TENM2: variants seen among roughly 807,000 people sequenced by gnomAD.
TENM2 encodes teneurin transmembrane protein 2, also known as teneurin-2.
Under a neutral mutation model 245.2 loss-of-function variants are expected in TENM2, and 52 were observed. That is an observed-to-expected ratio of 0.21 (90% CI 0.17 to 0.27). The LOEUF (loss-of-function observed/expected upper bound fraction) is 0.27. Among genes scored for constraint, TENM2 ranks in the 10% least tolerant of loss-of-function variants. TENM2 has a pLI of 1.00. For synonymous variants in TENM2, 1,363 were observed against 1,438.9 expected, an observed-to-expected ratio of 0.95 and a Z score of 1.19; for missense variants, 3,046 against 3,666.8, an observed-to-expected ratio of 0.83 and a Z score of 4.37.
intron 2 of TENM2, among the ~76,000 whole-genome samples, chr5:167,774,040 G>A (rs1233847491): frequency 6.6e-6 from 1 of 151,870 alleles, no homozygotes; most frequent in Non-Finnish European, 1.5e-5. Context: ...CCTAGAAGAT[G>A]CAGGTGACCC....
intron 2 of TENM2, among the ~76,000 whole-genome samples, chr5:167,874,130 T>A (rs1374690622): frequency 1.3e-5 from 2 of 152,180 alleles, no homozygotes; most frequent in African/African-American, 2.4e-5. Flanking sequence ...AACTCCTACC[T>A]GGCCAGGCTG....
chr5:167,766,312 A>G (rs993812390), intron 2 of TENM2, among the ~76,000 whole-genome samples: 1 of 152,192 alleles, frequency 6.6e-6, no homozygotes, highest in African/African-American at 2.4e-5. Flanking sequence ...AGCTAAGCAT[A>G]TCTAGCACAA....
At chr5:168,177,996 A>G (rs1387406598) in intron 13 of TENM2, among the ~76,000 whole-genome samples, 1 of 152,180 alleles carries the variant, frequency 6.6e-6, no homozygotes, top group Non-Finnish European at 1.5e-5. Flanking sequence ...AGAATAGCCA[A>G]GTCCGGGCCC....
At chr5:167,769,602 G>A (rs1763268281) in intron 2 of TENM2, among the ~76,000 whole-genome samples, 1 of 152,126 alleles carries the variant, frequency 6.6e-6, no homozygotes. Context: ...GTAGAAAATT[G>A]TTATTGGTGT....
chr5:168,262,905 C>A, exon 29 of TENM2: 1 of 1,246,222 alleles, frequency 8.0e-7, no homozygotes, highest in Non-Finnish European at 1.1e-6. Context: ...AGGGGCACTG[C>A]GGCTGGGCTG....
chr5:167,110,308 T>C, the TENM2 span, among the ~76,000 whole-genome samples: 3 of 152,204 alleles, frequency 2.0e-5, no homozygotes, highest in Admixed American at 6.5e-5. Context: ...GATGACAATG[T>C]ACAAGGGCTG....
At chr5:168,160,433 A>G (rs1005864392) in intron 12 of TENM2, among the ~76,000 whole-genome samples, 3 of 152,308 alleles carry the variant, frequency 2.0e-5, no homozygotes, top group African/African-American at 7.2e-5. Flanking sequence ...AGGTGTGCAA[A>G]CACTGGTGCT....
At chr5:167,502,041 C>T (rs1769245052) in intron 2 of TENM2, among the ~76,000 whole-genome samples, 1 of 151,678 alleles carries the variant, frequency 6.6e-6, no homozygotes, top group African/African-American at 2.4e-5. Flanking sequence ...GGTCATGTTG[C>T]TTGCTCTAGA....
chr5:167,012,538 A>C, the TENM2 span, among the ~76,000 whole-genome samples: 3 of 151,902 alleles, frequency 2.0e-5, no homozygotes, highest in Non-Finnish European at 4.4e-5. Context: ...CTGTCAGAGG[A>C]AGTGGTATCT....
the TENM2 span, among the ~76,000 whole-genome samples, chr5:166,989,829 A>G: frequency 2.0e-5 from 3 of 149,696 alleles, no homozygotes; most frequent in Admixed American, 2.0e-4. Context: ...CTGAAAATGA[A>G]TTGGAAGGCA....
chr5:167,744,003 G>C (rs1474268859), intron 2 of TENM2, among the ~76,000 whole-genome samples: 1 of 152,202 alleles, frequency 6.6e-6, no homozygotes, highest in African/African-American at 2.4e-5. Context: ...GTCTATAGCA[G>C]TTAAGTGGCT....
At chr5:167,150,760 T>G in the TENM2 span, among the ~76,000 whole-genome samples, 25 of 152,282 alleles carry the variant, frequency 1.6e-4, no homozygotes, top group Middle Eastern at 3.4e-3. Context: ...GTAAAACCTC[T>G]CACAAGATTT....
At chr5:167,399,267 T>C (rs1270009043) in intron 2 of TENM2, among the ~76,000 whole-genome samples, 5 of 152,182 alleles carry the variant, frequency 3.3e-5, no homozygotes, top group Admixed American at 2.0e-4. Flanking sequence ...GAGTTGATGA[T>C]AAAAGGAGCT....
chr5:167,431,412 T>C (rs1189220115), intron 2 of TENM2, among the ~76,000 whole-genome samples: 1 of 152,150 alleles, frequency 6.6e-6, no homozygotes, highest in African/African-American at 2.4e-5. Context: ...GCAAGTAATT[T>C]GGGTATCAAG....
chr5:167,894,333 T>C (rs997077663), intron 3 of TENM2, among the ~76,000 whole-genome samples: 1 of 152,244 alleles, frequency 6.6e-6, no homozygotes, highest in African/African-American at 2.4e-5. Context: ...CCAGCACGTT[T>C]AATAAAATGT....
chr5:168,223,080 G>A (rs1054781034), intron 23 of TENM2, among the ~76,000 whole-genome samples: 5 of 152,224 alleles, frequency 3.3e-5, no homozygotes, highest in Admixed American at 1.3e-4. Flanking sequence ...ATCTGAAGAC[G>A]TTCCTTGGGG....
intron 27 of TENM2, among the ~76,000 whole-genome samples, chr5:168,253,262 T>G (rs1480350111): frequency 6.7e-6 from 1 of 149,826 alleles, no homozygotes; most frequent in Non-Finnish European, 1.5e-5. Context: ...CCACCGCGCC[T>G]GGCAGAGCCA....
intron 2 of TENM2, among the ~76,000 whole-genome samples, chr5:167,723,601 A>G (rs978479819): frequency 2.0e-5 from 3 of 152,022 alleles, no homozygotes; most frequent in East Asian, 3.9e-4. Context: ...TCTTCTGCCT[A>G]CTTTCTTTTG....
chr5:168,248,491 AG>A (rs1766803277), intron 27 of TENM2, 120 bp downstream of exon 29: 1 of 998,560 alleles, frequency 1.0e-6, no homozygotes, highest in Admixed American at 2.6e-5. Context: ...CATAAAGCCC[AG>A]GCAGTGCAGT....
Sources: allele counts gnomAD v4.1 joint callset (sites outside exome capture counted in the v4.1 genomes callset), GRCh38; gene constraint gnomAD v4.1.1; transcripts MANE v1.5; gene names NCBI Gene and HGNC (gene_info 2026-07-23, HGNC 2026-07-21).